The following SHTN1 variants were observed in gnomAD, a reference collection of about 807,000 sequenced individuals.
SHTN1 encodes shootin 1, also known as shootin-1.
SHTN1 carries 42 observed loss-of-function variants against 83.1 expected under a neutral mutation model. The observed-to-expected ratio is 0.51, with a 90% CI of 0.39 to 0.65. The LOEUF (loss-of-function observed/expected upper bound fraction) is 0.65, where lower values mean the gene tolerates loss of function less well. Among genes scored for constraint, SHTN1 ranks in the 30% least tolerant of loss-of-function variants. The probability of loss-of-function intolerance (pLI) is 0.00; values close to 1 mark genes in which losing one functional copy is unlikely to be tolerated. For missense variants in SHTN1, 622 were observed against 737.8 expected, an observed-to-expected ratio of 0.84 and a Z score of 1.82; for synonymous variants, 224 against 247.7, an observed-to-expected ratio of 0.90 and a Z score of 0.90.
At chr10:116,973,870 T>C (rs1346568870) in intron 2 of SHTN1, 1 of 1,286,232 alleles carries the variant, frequency 7.8e-7, no homozygotes, top group East Asian at 5.6e-5. Context: ...TTAAGAATCC[T>C]TGGCATACAA....
At chr10:117,091,939 T>C (rs1853435797) in intron 1 of SHTN1, among the ~76,000 whole-genome samples, 3 of 152,330 alleles carry the variant, frequency 2.0e-5, no homozygotes, top group South Asian at 4.1e-4. Context: ...GTCTTATTAA[T>C]GACTGCCATG....
intron 1 of SHTN1, among the ~76,000 whole-genome samples, chr10:117,118,118 G>A (rs1441272914): frequency 6.6e-6 from 1 of 152,006 alleles, no homozygotes; most frequent in East Asian, 1.9e-4. Context: ...CAGAATGGGG[G>A]GAAATATTTG....
chr10:117,077,454 C>A (rs962802268), intron 1 of SHTN1, among the ~76,000 whole-genome samples: 1 of 148,014 alleles, frequency 6.8e-6, no homozygotes, highest in Non-Finnish European at 1.5e-5. Context: ...TCACCAAAAT[C>A]TTTTTTTTTT....
rs1299910568 is a variant in SHTN1 at position 116,881,573 on chromosome 10, G to A, written c.*4771C>T. On this transcript the variant is annotated 3_prime_UTR_variant, in exon 17 of 17. Coordinates refer to ENST00000355371, the MANE Select transcript of SHTN1 (RefSeq NM_001127211.3). Reference sequence around the variant, plus strand: ...ATGAGGAAGCTGAAAAGGCTGCGGAGGCACTTGAGGCTGCTGCGGCTAGGG... The same window carrying A: ...ATGAGGAAGCTGAAAAGGCTGCGGAAGCACTTGAGGCTGCTGCGGCTAGGG... 6.5e-7 allele frequency: 1 copy of A among 1,550,312 alleles called. No homozygotes were observed. Among genetic ancestry groups the A allele is most frequent in the South Asian group, 1.2e-5 (1 of 84,008 alleles).
intron 16 of SHTN1, among the ~76,000 whole-genome samples, chr10:116,895,755 T>C (rs1847495535): frequency 3.3e-5 from 5 of 152,192 alleles, no homozygotes; most frequent in African/African-American, 1.2e-4. Context: ...GCATTGGAAA[T>C]AAAGTTTAAA....
intron 1 of SHTN1, among the ~76,000 whole-genome samples, chr10:116,983,633 CAGAT>C (rs145452456): frequency 0.018 from 2,534 of 142,528 alleles, 93 homozygotes; most frequent in African/African-American, 0.064. Context: ...CCTGGGCATC[CAGAT>C]AGATAGATAG....
At chr10:116,979,375 TCCAACTAAC>T in intron 1 of SHTN1, 67 bp from the exon 2 acceptor site, 1 of 1,258,226 alleles carries the variant, frequency 7.9e-7, no homozygotes, top group Non-Finnish European at 1.2e-6. Flanking sequence ...ACCTGGGGAA[TCCAACTAAC>T]CCCCATAGTC....
chr10:117,059,767 G>C lies in SHTN1; in HGVS notation c.-188-11257C>G, dbSNP rs185923021. Among the ~76,000 whole-genome samples the C allele has an allele frequency of 4.9e-4, 74 of 152,260 alleles. 1 individual carries two copies. The East Asian group carries it at 0.012, about 25-fold the overall frequency. On this transcript the variant is annotated intron_variant, in intron 1 of 17. Transcript: ENST00000392901. ...GACTGAACTGTTCTATATCTTGACT[G>C]TATCAATGTCAATATCCTCGTTGAT...
intron 1 of SHTN1, among the ~76,000 whole-genome samples, chr10:117,088,824 T>G (rs1853387600): frequency 6.6e-6 from 1 of 152,336 alleles, no homozygotes; most frequent in South Asian, 2.1e-4. Flanking sequence ...AAAACATAGA[T>G]GCCTAAGTTC....
intron 1 of SHTN1, among the ~76,000 whole-genome samples, chr10:117,064,469 C>T (rs530037442): frequency 6.6e-6 from 1 of 152,242 alleles, no homozygotes; most frequent in East Asian, 1.9e-4. Context: ...GCCTGGCCAA[C>T]ATAGTGAAAC....
At chr10:116,891,433 C>T (rs149213780) in intron 16 of SHTN1, among the ~76,000 whole-genome samples, 2 of 152,270 alleles carry the variant, frequency 1.3e-5, no homozygotes, top group East Asian at 1.9e-4. Context: ...GACGCACAGC[C>T]GGACGGTCTG....
intron 1 of SHTN1, among the ~76,000 whole-genome samples, chr10:116,979,800 T>A (rs1850949585): frequency 6.6e-6 from 1 of 152,226 alleles, no homozygotes; most frequent in Non-Finnish European, 1.5e-5. Flanking sequence ...TGTGGTATTG[T>A]AATCAGAGAT....
intron 2 of SHTN1, among the ~76,000 whole-genome samples, chr10:117,025,128 A>G (rs1460439695): frequency 1.3e-5 from 2 of 152,190 alleles, no homozygotes; most frequent in Non-Finnish European, 2.9e-5. Flanking sequence ...AACTCACAGG[A>G]CCTGGTTTTA....
chr10:116,949,138 C>A, intron 6 of SHTN1, 141 bp from the exon 7 acceptor site: 1 of 890,116 alleles, frequency 1.1e-6, no homozygotes. Context: ...TGTGTTAGGA[C>A]TTTTTATTAA....
Position 116,899,506 on chromosome 10 carries a change from G to GGTGTGTGTGTGTGTGTGT in SHTN1, c.1673+2241_1673+2258dup, listed in dbSNP as rs370396879. ...AAGGGAAGTTAGAGTGGCTGGGGCT[G>GGTGTGTGTGTGTGTGTGT]GTGTGTGTGTGTGTGTGTGTGTGTG... is the stretch of plus-strand genomic sequence containing the variant. On this transcript the variant is annotated intron_variant, in intron 16 of 16. Coordinates refer to ENST00000355371, the MANE Select transcript of SHTN1 (RefSeq NM_001127211.3). Among the ~76,000 whole-genome samples the GGTGTGTGTGTGTGTGTGT allele has an allele frequency of 2.9e-3, 363 of 124,554 alleles. 2 individuals carry two copies. The highest frequency in any genetic ancestry group is 1.0e-2 in the African/African-American group (340 of 34,160). 81.7% of individuals were successfully genotyped at this position (124,554 alleles called of 152,430 possible). A position where few individuals can be genotyped will look rare whatever the true frequency, so the allele number is the denominator to read the frequency against.
intron 2 of SHTN1, among the ~76,000 whole-genome samples, chr10:117,030,501 T>G (rs1158365475): frequency 6.6e-6 from 1 of 151,980 alleles, no homozygotes; most frequent in African/African-American, 2.4e-5. Context: ...CATCACCACA[T>G]GAACTAAATA....
In SHTN1 at chr10:116,886,117, CTCA is replaced by C; in HGVS notation, c.*224_*226del. 2 of 569,898 alleles carry C rather than the reference CTCA, an allele frequency of 3.5e-6. No individual in the cohort carries two copies. Among genetic ancestry groups the C allele is most frequent in the South Asian group, 5.7e-5 (2 of 34,964 alleles). The allele number at this position is 569,898 out of a possible 1,614,324, so 35.3% of individuals were successfully genotyped here. A position where few individuals can be genotyped will look rare whatever the true frequency, so the allele number is the denominator to read the frequency against. ...TTAATACAGTAACTAGGAAAAAAAC[CTCA>C]TCTTTATAAAGATCAAAAAACCAAA... is the stretch of plus-strand genomic sequence containing the variant. On this transcript the variant is annotated 3_prime_UTR_variant, in exon 17 of 17. Coordinates refer to ENST00000355371, the MANE Select transcript of SHTN1 (RefSeq NM_001127211.3).
chr10:116,957,122 C>A (rs1026751941), intron 4 of SHTN1, among the ~76,000 whole-genome samples: 1 of 151,938 alleles, frequency 6.6e-6, no homozygotes, highest in African/African-American at 2.4e-5. Flanking sequence ...ACTATTTGAA[C>A]ATTTTTGAGA....
At chr10:117,107,646 T>C (rs1357243495) in intron 1 of SHTN1, among the ~76,000 whole-genome samples, 2 of 152,162 alleles carry the variant, frequency 1.3e-5, no homozygotes, top group African/African-American at 4.8e-5. Flanking sequence ...CAGAATGTGT[T>C]TGATAGCAGC....
Sources: allele counts gnomAD v4.1 joint callset (sites outside exome capture counted in the v4.1 genomes callset), GRCh38; gene constraint gnomAD v4.1.1; transcripts MANE v1.5; gene names NCBI Gene and HGNC (gene_info 2026-07-23, HGNC 2026-07-21).